The following COL12A1 variants were observed in gnomAD, a reference collection of about 807,000 sequenced individuals.
COL12A1 encodes the protein collagen type XII alpha 1 chain, also known as collagen alpha-1(XII) chain.
Under a neutral mutation model 349.7 loss-of-function variants are expected in COL12A1, and 114 were observed. The ratio of observed to expected loss-of-function variants is 0.33; its 90% CI spans 0.28 to 0.38. The LOEUF (loss-of-function observed/expected upper bound fraction) is 0.38. Ranked by LOEUF, COL12A1 falls within the 10% of genes least tolerant of loss-of-function variation. The probability of loss-of-function intolerance (pLI) is 1.00; values close to 1 mark genes in which losing one functional copy is unlikely to be tolerated. For synonymous variants in COL12A1, 1,369 were observed against 1,329.0 expected, an observed-to-expected ratio of 1.03 and a Z score of -0.66; for missense variants, 3,284 against 3,756.9, an observed-to-expected ratio of 0.87 and a Z score of 3.29.
At position 75,165,738 on chromosome 6, in the gene COL12A1, C is replaced by G. The variant is rs1305925959; in HGVS notation, c.2752G>C (p.Asp918His). The stretch of plus-strand genomic sequence containing the variant: ...GTCCAATAAGCCCCAATTGATGTGT[C>G]AGTGATGTCTTTAGTAACTAAATCT... ...PQDLVTKDIT[D>H]TSIGAYWTSA... Residue 918 changes from aspartate to histidine, a missense_variant, in exon 14 of 66, where the codon GAC becomes CAC. Transcript: ENST00000322507. The G allele has an allele frequency of 6.2e-7, 1 of 1,613,808 alleles. No homozygotes were observed. The highest frequency in any genetic ancestry group is 8.5e-7 in the Non-Finnish European group (1 of 1,179,876).
intron 11 of COL12A1, among the ~76,000 whole-genome samples, chr6:75,179,619 T>A (rs930118093): frequency 1.7e-4 from 26 of 152,144 alleles, no homozygotes; most frequent in African/African-American, 6.3e-4. Context: ...CTTTTATCAG[T>A]ATAGTATGCC....
At chr6:75,128,515 T>A in intron 37 of COL12A1, 90 bp from the exon 38 acceptor site, 1 of 1,108,228 alleles carries the variant, frequency 9.0e-7, no homozygotes, top group Non-Finnish European at 1.2e-6. Flanking sequence ...CCATAAACAG[T>A]AATAGTAGTT....
intron 49 of COL12A1, among the ~76,000 whole-genome samples, chr6:75,114,723 G>T (rs1768993975): frequency 6.6e-6 from 1 of 151,976 alleles, no homozygotes; most frequent in Admixed American, 6.6e-5. Context: ...ATACGTTCAA[G>T]AACTATCTTT....
At chr6:75,129,179 T>C (rs1049261029) in intron 37 of COL12A1, among the ~76,000 whole-genome samples, 1 of 152,238 alleles carries the variant, frequency 6.6e-6, no homozygotes, top group Non-Finnish European at 1.5e-5. Context: ...TTCTCTGCTT[T>C]GGCAAACTAA....
chr6:75,141,328 G>A (rs528137685), intron 27 of COL12A1, among the ~76,000 whole-genome samples: 1 of 152,322 alleles, frequency 6.6e-6, no homozygotes, highest in African/African-American at 2.4e-5. Flanking sequence ...CAAGGGGGAA[G>A]TAGAATCCAT....
At chr6:75,119,777 G>T (rs1562154027) in intron 44 of COL12A1, among the ~76,000 whole-genome samples, 1 of 152,176 alleles carries the variant, frequency 6.6e-6, no homozygotes, top group African/African-American at 2.4e-5. Flanking sequence ...GGAGTGGTGA[G>T]ATCCCAGGAT....
intron 37 of COL12A1, 80 bp downstream of exon 37, chr6:75,130,011 C>A: frequency 6.6e-7 from 1 of 1,513,382 alleles, no homozygotes; most frequent in Non-Finnish European, 9.0e-7. Flanking sequence ...GTACTCACAG[C>A]ATACCTCTAA....
intron 23 of COL12A1, 110 bp downstream of exon 23, chr6:75,147,565 A>G: frequency 4.6e-6 from 5 of 1,087,744 alleles, no homozygotes; most frequent in Non-Finnish European, 6.6e-6. Flanking sequence ...GTAAATATTT[A>G]TAGAATGAAT....
Position 75,123,353 on chromosome 6 carries a change from G to A in COL12A1, c.6923C>T (p.Pro2308Leu). Residue 2308 changes from proline (P) to leucine (L), a missense_variant, in exon 43 of 66, where the codon CCC (proline) becomes CTC (leucine). Physicochemically the swap from Pro to Leu is moderately conservative, Grantham distance 98. Around this residue, in one of 2 missense-constraint regions of COL12A1, gnomAD observed 2,601 missense variants for 2,824.8 expected, o/e 0.92. Transcript: ENST00000322507. ...ACCATCCCGGGCTGGTGGAATGGTGGGAGGGGGAGGAGGTGTGGGTGGCTC... is the reference window on the plus strand; with the variant it reads ...ACCATCCCGGGCTGGTGGAATGGTGAGAGGGGGAGGAGGTGTGGGTGGCTC... ...PTEPPTPPPP[P>L]TIPPARDVCK... The A allele has an allele frequency of 5.6e-6, 9 of 1,607,932 alleles. No individual in the cohort carries two copies. Among genetic ancestry groups the A allele is most frequent in the South Asian group, 1.1e-5 (1 of 89,686 alleles).
intron 2 of COL12A1, among the ~76,000 whole-genome samples, chr6:75,197,593 T>C (rs1770300041): frequency 6.6e-6 from 1 of 152,120 alleles, no homozygotes; most frequent in Admixed American, 6.6e-5. Context: ...ATTGTAGGAA[T>C]AAGCCACTGT....
Position 75,097,263 on chromosome 6 carries a change from G to A in COL12A1, c.8567C>T (p.Pro2856Leu), listed in dbSNP as rs574147225. The change falls in exon 59 of 66, where the codon CCA (proline) becomes CTA (leucine). Residue 2856 changes from proline (P) to leucine (L), a missense_variant. Around this residue, in one of 2 missense-constraint regions of COL12A1, gnomAD observed 683 missense variants for 932.1 expected, o/e 0.73. Transcript: ENST00000322507. The part of the protein sequence containing the change: ...KDGAMGPRGP[P>L]GPPGSPGSPG... Reference sequence around the variant, plus strand: ...ACATTTAGTTCTTACCGGCGGCCCTGGTGGGCCCCTGGGTCCCATTGCACC... The same window carrying A: ...ACATTTAGTTCTTACCGGCGGCCCTAGTGGGCCCCTGGGTCCCATTGCACC... 2.5e-6 allele frequency: 4 copies of A among 1,613,720 alleles called. No homozygotes were observed. The highest frequency in any genetic ancestry group is 2.2e-5 in the East Asian group (1 of 44,866).
At chr6:75,201,920 G>A (rs1339745864) in intron 2 of COL12A1, among the ~76,000 whole-genome samples, 1 of 152,180 alleles carries the variant, frequency 6.6e-6, no homozygotes, top group Non-Finnish European at 1.5e-5. Context: ...GGGAAGGTCC[G>A]ACGCACCCGG....
At chr6:75,170,010 G>T (rs1479642593) in intron 13 of COL12A1, among the ~76,000 whole-genome samples, 4 of 152,180 alleles carry the variant, frequency 2.6e-5, no homozygotes, top group Non-Finnish European at 5.9e-5. Context: ...TACTTCTCAT[G>T]ATCTGAACAT....
At chr6:75,185,224 A>G (rs991351054) in intron 8 of COL12A1, among the ~76,000 whole-genome samples, 3 of 152,190 alleles carry the variant, frequency 2.0e-5, no homozygotes, top group Non-Finnish European at 4.4e-5. Context: ...GAAAACTGCA[A>G]TGTCTCAGCC....
chr6:75,138,830 T>C lies in COL12A1; in HGVS notation c.5089A>G (p.Lys1697Glu). Residue 1697 changes from lysine to glutamate, a missense_variant, in exon 28 of 66, where the codon AAG (lysine) becomes GAG (glutamate). This residue lies in a region of COL12A1 where 2,601 missense variants were observed against 2,824.8 expected (regional missense o/e 0.92). Coordinates refer to ENST00000322507, the MANE Select transcript of COL12A1 (RefSeq NM_004370.6). ...TAAAGAGAGTTAACTACCTCCATCTTATCTGAGCTTCCAAAAGGTGCCCAA... is the reference window on the plus strand; with the variant it reads ...TAAAGAGAGTTAACTACCTCCATCTCATCTGAGCTTCCAAAAGGTGCCCAA... Reference protein sequence around the residue: ...ITWAPFGSSDKMETILNGDEN... With the variant: ...ITWAPFGSSDEMETILNGDEN... 1 of 1,614,064 alleles carries C rather than the reference T, an allele frequency of 6.2e-7. No individual in the cohort carries two copies. Among genetic ancestry groups the C allele is most frequent in the Non-Finnish European group, 8.5e-7 (1 of 1,179,948 alleles).
rs1343793267 is a variant in COL12A1 at position 75,090,733 on chromosome 6, G to C, written c.8753-435C>G. 6.6e-6 allele frequency among the ~76,000 whole-genome samples: 1 copy of C among 152,062 alleles called. No homozygotes were observed. Among genetic ancestry groups the C allele is most frequent in the Non-Finnish European group, 1.5e-5 (1 of 68,008 alleles). On this transcript the variant is annotated intron_variant, in intron 62 of 65. Transcript: ENST00000322507. The surrounding 1 kb of genome is among the most constrained non-coding windows in gnomAD (Gnocchi z 4.1). ...GCACCTTGAAAAATCTGTATTTCTG[G>C]GCCTTATCTCCAAAGTCAATGATTC...
chr6:75,183,347 C>T lies in COL12A1; in HGVS notation c.1594G>A (p.Val532Met), dbSNP rs1022832065. The T allele has an allele frequency of 6.2e-7, 1 of 1,614,196 alleles. No individual in the cohort carries two copies. The highest frequency in any genetic ancestry group is 8.5e-7 in the Non-Finnish European group (1 of 1,180,034). ...AMTYVREKIF[V>M]PSKGSRSNVP... ...TTGCTTCTTGATCCCTTGCTAGGCA[C>T]AAATATTTTCTCTCTGACATAAGTC... is the stretch of plus-strand genomic sequence containing the variant. The change falls in exon 10 of 66, where the codon GTG becomes ATG. Residue 532 changes from valine to methionine, a missense_variant. Val to Met is a conservative substitution (Grantham distance 21). Transcript: ENST00000322507.
intron 10 of COL12A1, among the ~76,000 whole-genome samples, chr6:75,181,577 A>G (rs1469076960): frequency 1.3e-5 from 2 of 152,220 alleles, no homozygotes; most frequent in African/African-American, 4.8e-5. Context: ...ACATTTTCCC[A>G]TTCATCCCTG....
At chr6:75,162,217 A>T (rs1768059588) in intron 14 of COL12A1, among the ~76,000 whole-genome samples, 1 of 152,204 alleles carries the variant, frequency 6.6e-6, no homozygotes, top group Non-Finnish European at 1.5e-5. Flanking sequence ...CAAAGAACAA[A>T]GCTGGAGGCA....
Sources: allele counts gnomAD v4.1 joint callset (sites outside exome capture counted in the v4.1 genomes callset), GRCh38; gene constraint gnomAD v4.1.1; regional missense constraint gnomAD v4.1.1; non-coding constraint Gnocchi (gnomAD v3.1); transcripts MANE v1.5; gene names NCBI Gene and HGNC (gene_info 2026-07-23, HGNC 2026-07-21).